The following LRRTM4 variants were observed in gnomAD, a reference collection of about 807,000 sequenced individuals.
The protein encoded by LRRTM4 is leucine-rich repeat transmembrane neuronal protein 4.
LRRTM4 carries 25 observed loss-of-function variants against 47.6 expected under a neutral mutation model. The ratio of observed to expected loss-of-function variants is 0.53; its 90% CI spans 0.38 to 0.73. LRRTM4 has a LOEUF of 0.73. Ranked by LOEUF, LRRTM4 falls within the 30% of genes least tolerant of loss-of-function variation. The probability of loss-of-function intolerance (pLI) is 0.00; values close to 1 mark genes in which losing one functional copy is unlikely to be tolerated. For synonymous variants in LRRTM4, 311 were observed against 269.5 expected (o/e 1.15, Z -1.51); for missense variants, 638 against 713.4 (o/e 0.89, Z 1.20).
At chr2:77,472,087 C>T (rs1188661788) in intron 3 of LRRTM4, among the ~76,000 whole-genome samples, 1 of 152,094 alleles carries the variant, frequency 6.6e-6, no homozygotes, top group African/African-American at 2.4e-5. Context: ...AACCAGTGTC[C>T]TCTTTGCAGT....
At chr2:77,419,962 G>A (rs779750927) in intron 3 of LRRTM4, among the ~76,000 whole-genome samples, 9 of 152,210 alleles carry the variant, frequency 5.9e-5, no homozygotes, top group Non-Finnish European at 8.8e-5. Context: ...GACAGTTTCT[G>A]AAGGTGGGAA....
At chr2:77,061,908 A>G (rs1338634003) in intron 3 of LRRTM4, among the ~76,000 whole-genome samples, 2 of 148,146 alleles carry the variant, frequency 1.4e-5, no homozygotes, top group Non-Finnish European at 2.9e-5. Flanking sequence ...CATAGTATTT[A>G]ATAGTTGATA....
chr2:77,251,481 C>T (rs1198703011), intron 3 of LRRTM4, among the ~76,000 whole-genome samples: 1 of 151,634 alleles, frequency 6.6e-6, no homozygotes, highest in Admixed American at 6.6e-5. Context: ...TTGAATTCAC[C>T]CCAGGGAGAA....
chr2:76,798,867 C>T (rs183957931), intron 3 of LRRTM4, among the ~76,000 whole-genome samples: 47 of 152,296 alleles, frequency 3.1e-4, no homozygotes, highest in African/African-American at 1.0e-3. Context: ...TGGATACATT[C>T]GTGGACACAT....
chr2:77,211,613 A>G (rs888265403), intron 3 of LRRTM4, among the ~76,000 whole-genome samples: 1 of 152,150 alleles, frequency 6.6e-6, no homozygotes, highest in Non-Finnish European at 1.5e-5. Flanking sequence ...TATTATGACA[A>G]TGGTTGTTGT....
intron 3 of LRRTM4, among the ~76,000 whole-genome samples, chr2:77,465,998 C>A (rs77126213): frequency 6.6e-6 from 1 of 152,132 alleles, no homozygotes; most frequent in Non-Finnish European, 1.5e-5. Flanking sequence ...CGATTATAAT[C>A]CATTCATAGA....
intron 3 of LRRTM4, among the ~76,000 whole-genome samples, chr2:76,836,185 A>C (rs1003815072): frequency 6.6e-6 from 1 of 151,098 alleles, no homozygotes; most frequent in African/African-American, 2.4e-5. Context: ...ATAACAGTGA[A>C]GGAAACTACC....
chr2:76,889,434 T>C (rs1673181049), intron 3 of LRRTM4, among the ~76,000 whole-genome samples: 3 of 152,064 alleles, frequency 2.0e-5, no homozygotes, highest in South Asian at 4.1e-4. Context: ...TCGTTTTCAA[T>C]GGGATTAAAG....
chr2:77,070,073 A>T (rs989967985), intron 3 of LRRTM4, among the ~76,000 whole-genome samples: 1 of 152,122 alleles, frequency 6.6e-6, no homozygotes, highest in Non-Finnish European at 1.5e-5. Context: ...ATAAAATCGG[A>T]AATGAGGCTA....
At chr2:77,342,488 A>G (rs1168908751) in intron 3 of LRRTM4, among the ~76,000 whole-genome samples, 2 of 151,968 alleles carry the variant, frequency 1.3e-5, no homozygotes, top group Middle Eastern at 3.2e-3. Flanking sequence ...ACAGCTGTGG[A>G]TACAGATGGG....
chr2:77,472,612 T>C (rs186341066), intron 3 of LRRTM4, among the ~76,000 whole-genome samples: 1 of 152,106 alleles, frequency 6.6e-6, no homozygotes, highest in Non-Finnish European at 1.5e-5. Context: ...AGATGCCCAG[T>C]AGTAATCCTA....
chr2:76,901,176 G>A (rs1165059622), intron 3 of LRRTM4, among the ~76,000 whole-genome samples: 1 of 152,058 alleles, frequency 6.6e-6, no homozygotes, highest in Admixed American at 6.6e-5. Flanking sequence ...CGTGCATTAG[G>A]TATGTTTGCT....
intron 3 of LRRTM4, among the ~76,000 whole-genome samples, chr2:77,105,164 G>A (rs1206538333): frequency 1.3e-5 from 2 of 152,116 alleles, no homozygotes. Context: ...TTTGGATGCT[G>A]AGTATAACAA....
chr2:77,277,489 T>A (rs1020972278), intron 3 of LRRTM4, among the ~76,000 whole-genome samples: 8 of 152,160 alleles, frequency 5.3e-5, no homozygotes, highest in African/African-American at 1.9e-4. Context: ...ATACTCAAGA[T>A]ATTAAGGTGA....
chr2:76,955,432 G>C lies in LRRTM4; in HGVS notation c.1552-206516C>G, dbSNP rs137936182. Among the ~76,000 whole-genome samples, 775 of 151,732 alleles carry C rather than the reference G, an allele frequency of 5.1e-3. 6 individuals carry two copies. Among genetic ancestry groups the C allele is most frequent in the South Asian group, 0.012 (59 of 4,812 alleles). On this transcript the variant is annotated intron_variant, in intron 3 of 3. Coordinates refer to ENST00000409884, the MANE Select transcript of LRRTM4 (RefSeq NM_001134745.3). ...ACCATGATAAGGTGTTTTATGTATG[G>C]TAATCATAAGAAAATATAGACATAA... is the stretch of plus-strand genomic sequence containing the variant.
rs536242367 is a variant in LRRTM4 at position 77,504,703 on chromosome 2, C to T, written c.1551+13615G>A. On this transcript the variant is annotated intron_variant, in intron 3 of 3. Transcript: ENST00000409884. Reference sequence around the variant, plus strand: ...TATTCTGTTTATAAGAATACAGACTCAAGGAGCTGACATCCCTTATTTATA... The same window carrying T: ...TATTCTGTTTATAAGAATACAGACTTAAGGAGCTGACATCCCTTATTTATA... Among the ~76,000 whole-genome samples, 52 of 151,626 alleles carry T rather than the reference C, an allele frequency of 3.4e-4. 1 individual carries two copies. Among genetic ancestry groups the T allele is most frequent in the African/African-American group, 1.1e-3 (45 of 41,494 alleles).
At chr2:76,841,344 G>C (rs1671676016) in intron 3 of LRRTM4, among the ~76,000 whole-genome samples, 1 of 151,728 alleles carries the variant, frequency 6.6e-6, no homozygotes, top group Admixed American at 6.6e-5. Flanking sequence ...GTTAATGGGT[G>C]CAGCACACCA....
chr2:77,182,246 A>G (rs982036213), intron 3 of LRRTM4, among the ~76,000 whole-genome samples: 7 of 152,204 alleles, frequency 4.6e-5, no homozygotes, highest in Non-Finnish European at 8.8e-5. Context: ...CAGCCATAAA[A>G]AGGAATGAGA....
chr2:76,982,839 C>G (rs1411438047), intron 3 of LRRTM4, among the ~76,000 whole-genome samples: 1 of 151,964 alleles, frequency 6.6e-6, no homozygotes, highest in Non-Finnish European at 1.5e-5. Flanking sequence ...ACAGGAAACA[C>G]TTGCAAATAA....
Sources: allele counts gnomAD v4.1 joint callset (sites outside exome capture counted in the v4.1 genomes callset), GRCh38; gene constraint gnomAD v4.1.1; transcripts MANE v1.5; gene names NCBI Gene and HGNC (gene_info 2026-07-23, HGNC 2026-07-21).